Variants in RAB5A observed in about 807,000 individuals in gnomAD.
The protein encoded by RAB5A is RAB5A, member RAS oncogene family.
Under a neutral mutation model 25.7 loss-of-function variants are expected in RAB5A, and 8 were observed. That is an observed-to-expected ratio of 0.31 (90% CI 0.18 to 0.56). The LOEUF is 0.56. Among genes scored for constraint, RAB5A ranks in the 20% least tolerant of loss-of-function variants. RAB5A has a pLI of 0.91. For missense variants in RAB5A, 192 were observed against 259.7 expected, an observed-to-expected ratio of 0.74 and a Z score of 1.79; for synonymous variants, 98 against 89.8, an observed-to-expected ratio of 1.09 and a Z score of -0.52.
intron 5 of RAB5A, among the ~76,000 whole-genome samples, chr3:19,982,420 A>C (rs1241643858): frequency 6.6e-6 from 1 of 152,194 alleles, no homozygotes; most frequent in Non-Finnish European, 1.5e-5. Flanking sequence ...GCAGGCATCT[A>C]ACTTGGGTGT....
At chr3:19,950,069 T>C (rs1696400946) in intron 1 of RAB5A, among the ~76,000 whole-genome samples, 1 of 152,200 alleles carries the variant, frequency 6.6e-6, no homozygotes, top group African/African-American at 2.4e-5. Context: ...GGCATGTATA[T>C]TGTTCGTCTA....
At chr3:19,981,615 A>C (rs911715568) in intron 5 of RAB5A, among the ~76,000 whole-genome samples, 1 of 93,856 alleles carries the variant, frequency 1.1e-5, no homozygotes, top group Non-Finnish European at 2.1e-5. Flanking sequence ...CTCCGCCTCA[A>C]AAAAAAAAAA....
Position 19,984,195 on chromosome 3 carries a change from A to G in RAB5A, c.*372A>G, listed in dbSNP as rs935464687. The G allele has an allele frequency of 1.4e-5, 6 of 422,078 alleles. No individual in the cohort carries two copies. Among genetic ancestry groups the G allele is most frequent in the Non-Finnish European group, 2.7e-5 (6 of 218,968 alleles). The allele number at this position is 422,078 out of a possible 1,614,324, so 26.1% of individuals were successfully genotyped here. A position where few individuals can be genotyped will look rare whatever the true frequency, so the allele number is the denominator to read the frequency against. On this transcript the variant is annotated 3_prime_UTR_variant, in exon 6 of 6. Coordinates refer to ENST00000273047, the MANE Select transcript of RAB5A (RefSeq NM_004162.5). ...TGTGAAAAAAAAATTGGAACTTACT[A>G]ATTTGGGCTTTTCAAAAACATTCTT... is the stretch of plus-strand genomic sequence containing the variant.
intron 2 of RAB5A, among the ~76,000 whole-genome samples, chr3:19,954,412 A>T (rs925499177): frequency 6.6e-6 from 1 of 152,220 alleles, no homozygotes; most frequent in African/African-American, 2.4e-5. Flanking sequence ...TTGTGTTCGA[A>T]GGTGGATATC....
chr3:19,962,860 T>A (rs929294969), intron 2 of RAB5A, among the ~76,000 whole-genome samples: 6 of 152,150 alleles, frequency 3.9e-5, no homozygotes, highest in Non-Finnish European at 8.8e-5. Flanking sequence ...TTGCCCAGGC[T>A]GGTGTGCAGT....
At chr3:19,952,807 G>T (rs766497410) in intron 2 of RAB5A, among the ~76,000 whole-genome samples, 6 of 151,138 alleles carry the variant, frequency 4.0e-5, no homozygotes, top group Non-Finnish European at 5.9e-5. Flanking sequence ...TGTTGTTATT[G>T]TTAATACATT....
chr3:19,951,127 T>G (rs1486222850), intron 2 of RAB5A, 66 bp downstream of exon 2: 1 of 1,549,744 alleles, frequency 6.5e-7, no homozygotes, highest in Non-Finnish European at 8.8e-7. Flanking sequence ...TATTTTGATG[T>G]TCCAATTGTG....
chr3:19,963,704 G>T (rs1482083800), intron 2 of RAB5A, among the ~76,000 whole-genome samples: 1 of 152,068 alleles, frequency 6.6e-6, no homozygotes, highest in Non-Finnish European at 1.5e-5. Flanking sequence ...AAGAGCAGTG[G>T]CATGATTATG....
At chr3:19,982,967 C>G (rs895241129) in intron 5 of RAB5A, among the ~76,000 whole-genome samples, 1 of 152,072 alleles carries the variant, frequency 6.6e-6, no homozygotes, top group African/African-American at 2.4e-5. Flanking sequence ...GTCTAGAGAA[C>G]GCTGATATGA....
chr3:19,958,542 T>A (rs920877162), intron 2 of RAB5A, among the ~76,000 whole-genome samples: 1 of 152,166 alleles, frequency 6.6e-6, no homozygotes, highest in African/African-American at 2.4e-5. Context: ...AGTATTGAAC[T>A]CTAGGTAAGG....
Position 19,983,889 on chromosome 3 carries a change from G to T in RAB5A, c.*66G>T. ...AAATGTTAATAACAATGGAATTGGAGCATTTAACCAGCCCAGTATGACTTC... is the reference window on the plus strand; with the variant it reads ...AAATGTTAATAACAATGGAATTGGATCATTTAACCAGCCCAGTATGACTTC... On this transcript the variant is annotated 3_prime_UTR_variant, in exon 6 of 6. Coordinates refer to ENST00000273047, the MANE Select transcript of RAB5A (RefSeq NM_004162.5). 9 of 1,090,192 alleles carry T rather than the reference G, an allele frequency of 8.3e-6. No homozygotes were observed. The highest frequency in any genetic ancestry group is 1.1e-5 in the Non-Finnish European group (8 of 733,100). The allele number at this position is 1,090,192 out of a possible 1,614,324, so 67.5% of individuals were successfully genotyped here.
chr3:19,981,613 CAA>C (rs11307995), intron 5 of RAB5A, among the ~76,000 whole-genome samples: 263 of 138,986 alleles, frequency 1.9e-3, no homozygotes, highest in Non-Finnish European at 2.8e-3. Context: ...GACTCCGCCT[CAA>C]AAAAAAAAAA....
In RAB5A at chr3:19,949,671, C is replaced by G. The variant is rs143377853; in HGVS notation, c.-93-1135C>G. ...TTGAAAAAGGTTCTTCAAATATTCA[C>G]TAATTCCTTAGAGATTAAAAATTAG... On this transcript the variant is annotated intron_variant, in intron 1 of 5. Transcript: ENST00000273047. 1.8e-3 allele frequency among the ~76,000 whole-genome samples: 276 copies of G among 152,338 alleles called. 2 individuals carry two copies. Among genetic ancestry groups the G allele is most frequent in the African/African-American group, 6.3e-3 (262 of 41,586 alleles).
chr3:19,957,860 G>A (rs1251757528), intron 2 of RAB5A, among the ~76,000 whole-genome samples: 5 of 151,860 alleles, frequency 3.3e-5, no homozygotes, highest in East Asian at 1.9e-4. Flanking sequence ...AATACATAAC[G>A]ATTTTTATTT....
chr3:19,959,523 C>T (rs762099094), intron 2 of RAB5A, among the ~76,000 whole-genome samples: 6 of 151,702 alleles, frequency 4.0e-5, no homozygotes, highest in Non-Finnish European at 5.9e-5. Flanking sequence ...AGTTACATTC[C>T]GAGGAAATCT....
rs74759687 is a variant in RAB5A, at chr3:19,952,493, T to C, written c.163+1432T>C. On this transcript the variant is annotated intron_variant, in intron 2 of 5. Coordinates refer to ENST00000273047, the MANE Select transcript of RAB5A (RefSeq NM_004162.5). ...TCTGTCTTTCAGAAGCAAAACTTTA[T>C]ACTGTGCATTTAGTGAATGCTCTTC... 9.8e-5 allele frequency among the ~76,000 whole-genome samples: 15 copies of C among 152,368 alleles called. No homozygotes were observed. In the East Asian group the frequency reaches 2.9e-3, roughly 29 times the overall value.
rs372581521 is a variant in RAB5A, at chr3:19,976,121, A to G, written c.390A>G (p.Leu130=). Residue 130 remains leucine, a synonymous_variant, in exon 4 of 6, where the codon TTA becomes TTG. Coordinates refer to ENST00000273047, the MANE Select transcript of RAB5A (RefSeq NM_004162.5). ...RQASPNIVIA[L]SGNKADLANK... is the part of the protein sequence containing the mutation. ...CAAGTCCTAACATTGTAATAGCTTT[A>G]TCGGGAAACAAGGCCGACCTAGCAA... 39 of 1,612,698 alleles carry G rather than the reference A, an allele frequency of 2.4e-5. No individual in the cohort carries two copies. The East Asian group carries it at 2.5e-4, about 10-fold the overall frequency.
intron 2 of RAB5A, among the ~76,000 whole-genome samples, chr3:19,970,309 A>G (rs1575074091): frequency 6.6e-6 from 1 of 152,360 alleles, no homozygotes; most frequent in Non-Finnish European, 1.5e-5. Flanking sequence ...TAAGTCTTGC[A>G]TATTATAATA....
At chr3:19,948,534 G>A (rs1696368539) in intron 1 of RAB5A, among the ~76,000 whole-genome samples, 1 of 152,190 alleles carries the variant, frequency 6.6e-6, no homozygotes, top group Admixed American at 6.5e-5. Flanking sequence ...GATTACAAAT[G>A]TATATTATGC....
Sources: gnomAD v4.1 joint callset for allele counts (sites outside exome capture counted in the v4.1 genomes callset) on GRCh38, gnomAD v4.1.1 for gene constraint, MANE v1.5 for transcripts, NCBI Gene and HGNC (gene_info 2026-07-23, HGNC 2026-07-21) for gene names.